STK3: variants seen among roughly 807,000 people sequenced by gnomAD.
The protein encoded by STK3 is serine/threonine kinase 3.
A neutral mutation model predicts 58.0 loss-of-function variants in STK3; 41 were observed. The ratio of observed to expected loss-of-function variants is 0.71; its 90% CI spans 0.55 to 0.92. The LOEUF (loss-of-function observed/expected upper bound fraction) is 0.92. STK3 is among the 40% of genes least tolerant of loss of function. STK3 has a pLI of 0.00. For synonymous variants in STK3, 170 were observed against 191.0 expected (o/e 0.89, Z 0.91); for missense variants, 479 against 602.7 (o/e 0.79, Z 2.15).
chr8:98,594,106 G>C (rs186678953), intron 7 of STK3, among the ~76,000 whole-genome samples: 3 of 152,098 alleles, frequency 2.0e-5, no homozygotes, highest in Non-Finnish European at 4.4e-5. Flanking sequence ...CCAGGAGTTC[G>C]AGACTAGCCT....
chr8:98,436,495 C>T (rs1357582914), intron 2 of STK3, among the ~76,000 whole-genome samples: 1 of 152,162 alleles, frequency 6.6e-6, no homozygotes, highest in Non-Finnish European at 1.5e-5. Context: ...GTGTTCTTGG[C>T]CCTTCAGGTT....
chr8:98,713,016 A>G (rs1826644538), intron 4 of STK3, among the ~76,000 whole-genome samples: 1 of 152,178 alleles, frequency 6.6e-6, no homozygotes, highest in African/African-American at 2.4e-5. Flanking sequence ...AAACTGAACA[A>G]CCTGCTCCTA....
intron 8 of STK3, among the ~76,000 whole-genome samples, chr8:98,576,437 T>C (rs753449485): frequency 3.3e-5 from 5 of 152,212 alleles, no homozygotes; most frequent in Non-Finnish European, 7.3e-5. Context: ...CTGCAAAAAA[T>C]GACCTGAAAT....
At chr8:98,450,688 A>T (rs1351854646), downstream of STK3, among the ~76,000 whole-genome samples, 1 of 152,252 alleles carries the variant, frequency 6.6e-6, no homozygotes, top group Non-Finnish European at 1.5e-5. Flanking sequence ...AAATAATAAA[A>T]GAAAAAAATC....
At chr8:98,449,619 T>C (rs1351945272) in intron 1 of STK3, among the ~76,000 whole-genome samples, 1 of 152,142 alleles carries the variant, frequency 6.6e-6, no homozygotes, top group Non-Finnish European at 1.5e-5. Flanking sequence ...ACAATATCCT[T>C]ACAATAATCA....
chr8:98,847,301 C>T (rs1836244058), intron 3 of STK3, among the ~76,000 whole-genome samples: 1 of 152,176 alleles, frequency 6.6e-6, no homozygotes, highest in Admixed American at 6.5e-5. Context: ...TTTCCAGTGG[C>T]CACCATTCTA....
intron 7 of STK3, among the ~76,000 whole-genome samples, chr8:98,583,690 C>T (rs1222899496): frequency 6.6e-6 from 1 of 152,096 alleles, no homozygotes; most frequent in South Asian, 2.1e-4. Context: ...TGCGTCTTTC[C>T]AAGCAGAATA....
the STK3 span, among the ~76,000 whole-genome samples, chr8:98,349,424 G>A: frequency 6.6e-6 from 1 of 152,212 alleles, no homozygotes; most frequent in South Asian, 2.1e-4. Context: ...TCACAGGGTG[G>A]TGTTGAGCAT....
the STK3 span, among the ~76,000 whole-genome samples, chr8:98,364,397 C>T: frequency 3.3e-4 from 51 of 152,282 alleles, no homozygotes; most frequent in African/African-American, 1.2e-3. Context: ...TCTTGAAGTC[C>T]CCTGTCCCTC....
chr8:98,659,910 C>T (rs1421978137), intron 6 of STK3, among the ~76,000 whole-genome samples: 1 of 151,648 alleles, frequency 6.6e-6, no homozygotes, highest in Non-Finnish European at 1.5e-5. Context: ...AAAATGACTT[C>T]CAAAGAACAA....
chr8:98,464,540 TAAAAAAAAA>T, intron 10 of STK3, among the ~76,000 whole-genome samples: 2 of 69,228 alleles, frequency 2.9e-5, no homozygotes, highest in Admixed American at 2.2e-4. Flanking sequence ...TACTTAAAGT[TAAAAAAAAA>T]AAAAAAAAAA....
At chr8:98,751,008 A>G (rs920884856) in intron 3 of STK3, among the ~76,000 whole-genome samples, 1 of 152,192 alleles carries the variant, frequency 6.6e-6, no homozygotes, top group African/African-American at 2.4e-5. Context: ...AAACCACATG[A>G]TTATCTCAAT....
At chr8:98,501,701 G>T (rs908619143) in intron 10 of STK3, among the ~76,000 whole-genome samples, 1 of 152,232 alleles carries the variant, frequency 6.6e-6, no homozygotes, top group African/African-American at 2.4e-5. Flanking sequence ...GTTTGCCAAA[G>T]ATCAGATGGT....
chr8:98,880,481 A>C (rs1564079561), downstream of STK3: 1 of 152,222 alleles, frequency 6.6e-6, no homozygotes, highest in Non-Finnish European at 1.5e-5. Context: ...TTATTTGTGA[A>C]GTTAGAGGTA....
At chr8:98,564,347 C>A (rs953608510) in intron 8 of STK3, among the ~76,000 whole-genome samples, 9 of 152,050 alleles carry the variant, frequency 5.9e-5, no homozygotes, top group African/African-American at 2.2e-4. Context: ...GTGCTTGCCA[C>A]AAATGACAAA....
chr8:98,923,496 A>C (rs759180856), intron 1 of STK3, among the ~76,000 whole-genome samples: 14 of 152,220 alleles, frequency 9.2e-5, no homozygotes, highest in Non-Finnish European at 2.1e-4. Flanking sequence ...TGCAAACATA[A>C]AATGAAAACT....
At chr8:98,824,228 A>G (rs1161891421) in intron 1 of STK3, among the ~76,000 whole-genome samples, 1 of 152,246 alleles carries the variant, frequency 6.6e-6, no homozygotes, top group African/African-American at 2.4e-5. Context: ...TAAAAGTGCA[A>G]CCACCACTTT....
chr8:98,595,948 T>C (rs1815790059), intron 7 of STK3, 84 bp downstream of exon 7: 5 of 1,465,324 alleles, frequency 3.4e-6, no homozygotes, highest in Admixed American at 4.1e-5. Flanking sequence ...AAATCAGTTA[T>C]GAAACACACA....
chr8:98,551,362 T>C (rs1811154653), intron 8 of STK3, among the ~76,000 whole-genome samples: 1 of 152,148 alleles, frequency 6.6e-6, no homozygotes, highest in Admixed American at 6.6e-5. Context: ...TGTCTTAGAG[T>C]ACCTCTGAAT....
Sources: allele counts gnomAD v4.1 joint callset (sites outside exome capture counted in the v4.1 genomes callset), GRCh38; gene constraint gnomAD v4.1.1; transcripts MANE v1.5; gene names NCBI Gene and HGNC (gene_info 2026-07-23, HGNC 2026-07-21).